Variants in VPS13C observed in about 807,000 individuals in gnomAD.
The protein encoded by VPS13C is vacuolar protein sorting 13 homolog C, also known as intermembrane lipid transfer protein VPS13C.
In VPS13C, 358 loss-of-function variants were observed where a neutral mutation model predicts 456.8. That is an observed-to-expected ratio of 0.78 (90% CI 0.72 to 0.86). VPS13C has a LOEUF of 0.86. Ranked by LOEUF, VPS13C falls within the 40% of genes least tolerant of loss-of-function variation. The pLI, the probability that VPS13C is intolerant of heterozygous loss-of-function variation, is 0.00. For synonymous variants in VPS13C, 1,578 were observed against 1,486.7 expected (o/e 1.06, Z -1.41); for missense variants, 4,818 against 4,385.4 (o/e 1.10, Z -2.79).
At chr15:62,007,947 A>T (rs908451719) in intron 14 of VPS13C, among the ~76,000 whole-genome samples, 7 of 152,102 alleles carry the variant, frequency 4.6e-5, no homozygotes, top group African/African-American at 1.7e-4. Flanking sequence ...TGTACTAAAA[A>T]TACAAAAATT....
At chr15:61,987,421 A>G (rs1367232374) in intron 18 of VPS13C, among the ~76,000 whole-genome samples, 1 of 152,198 alleles carries the variant, frequency 6.6e-6, no homozygotes, top group African/African-American at 2.4e-5. Flanking sequence ...AAGAGCAAAG[A>G]CACTTCTTAC....
In VPS13C at chr15:61,853,131, G is replaced by A. The variant is rs1358498605; in HGVS notation, c.*1326C>T. 1 of 152,038 alleles carries A rather than the reference G, an allele frequency of 6.6e-6. No homozygotes were observed. The highest frequency in any genetic ancestry group is 1.5e-5 in the Non-Finnish European group (1 of 67,990). The allele number at this position is 152,038 out of a possible 1,614,324, so 9.4% of individuals were successfully genotyped here. A position where few individuals can be genotyped will look rare whatever the true frequency, so the allele number is the denominator to read the frequency against. ...AAAGGACAAAAAAAAATACTGTCCT[G>A]AATTGATTCTCACAGGGCCTGCTCC... On this transcript the variant is annotated 3_prime_UTR_variant, in exon 85 of 85. Coordinates refer to ENST00000644861, the MANE Select transcript of VPS13C (RefSeq NM_020821.3).
At chr15:61,986,134 C>T (rs749141057) in intron 18 of VPS13C, among the ~76,000 whole-genome samples, 2 of 151,182 alleles carry the variant, frequency 1.3e-5, no homozygotes, top group Non-Finnish European at 2.9e-5. Context: ...CCGGTACACA[C>T]ACACACACAC....
chr15:61,925,602 A>C, intron 52 of VPS13C, 54 bp from the exon 53 acceptor site: 4 of 1,212,990 alleles, frequency 3.3e-6, no homozygotes, highest in Non-Finnish European at 4.5e-6. Flanking sequence ...TATACATAAC[A>C]CACACTTACA....
At chr15:61,875,684 C>A (rs774995788) in intron 76 of VPS13C, 48 bp downstream of exon 76, 3 of 1,305,342 alleles carry the variant, frequency 2.3e-6, no homozygotes, top group Admixed American at 2.0e-5. Context: ...AAAAAATAGA[C>A]CATCCATTTT....
chr15:61,911,263 T>C (rs1341331913), intron 63 of VPS13C, among the ~76,000 whole-genome samples: 3 of 152,178 alleles, frequency 2.0e-5, no homozygotes, highest in Non-Finnish European at 4.4e-5. Context: ...AACAGCTTAG[T>C]TCAAATCCCA....
chr15:62,053,281 C>A (rs1273066611), intron 1 of VPS13C, among the ~76,000 whole-genome samples: 1 of 152,132 alleles, frequency 6.6e-6, no homozygotes, highest in Non-Finnish European at 1.5e-5. Context: ...ATACTGACAT[C>A]TTTTATGTGT....
At chr15:61,917,227 T>C in intron 60 of VPS13C, 114 bp downstream of exon 60, 1 of 1,096,610 alleles carries the variant, frequency 9.1e-7, no homozygotes, top group East Asian at 2.6e-5. Flanking sequence ...ATGAAGGCAT[T>C]ACACATTACA....
At chr15:62,052,531 G>C (rs920805438) in intron 1 of VPS13C, among the ~76,000 whole-genome samples, 6 of 152,082 alleles carry the variant, frequency 3.9e-5, no homozygotes, top group African/African-American at 1.4e-4. Context: ...AAATTAGCCA[G>C]GCGTGGTGGC....
chr15:62,018,045 T>G (rs1214111268), intron 9 of VPS13C, among the ~76,000 whole-genome samples: 17 of 152,054 alleles, frequency 1.1e-4, no homozygotes, highest in African/African-American at 3.9e-4. Context: ...TCTCTTTGAA[T>G]CAATTGTGAA....
chr15:62,037,680 C>T (rs921241954), intron 3 of VPS13C, among the ~76,000 whole-genome samples: 3 of 139,730 alleles, frequency 2.1e-5, no homozygotes, highest in East Asian at 2.1e-4. Flanking sequence ...TAGTCTTGTA[C>T]GTAACATGTG....
intron 49 of VPS13C, 103 bp from the exon 50 acceptor site, chr15:61,931,362 A>C: frequency 3.5e-4 from 419 of 1,200,726 alleles, no homozygotes; most frequent in Non-Finnish European, 4.3e-4. Context: ...AACTGATCTC[A>C]TGAATTTTAA....
intron 27 of VPS13C, among the ~76,000 whole-genome samples, 176 bp downstream of exon 27, chr15:61,972,449 T>C (rs902376325): frequency 2.6e-5 from 4 of 152,108 alleles, no homozygotes; most frequent in African/African-American, 9.7e-5. Context: ...TAAAAATCTC[T>C]GTGTGTGTGA....
chr15:61,974,467 G>A lies in VPS13C; in HGVS notation c.2409-50C>T, dbSNP rs557486637. The A allele has an allele frequency of 8.8e-6, 14 of 1,584,638 alleles. No individual in the cohort carries two copies. The African/African-American group carries it at 1.8e-4, about 20-fold the overall frequency. On this transcript the variant is annotated intron_variant, in intron 24 of 84. Transcript: ENST00000644861. ...AAGTCAGCATCTCTACATTACAAAC[G>A]AGGGAAAGAATTGCATTAATGTAAT...
intron 35 of VPS13C, 106 bp downstream of exon 35, chr15:61,961,483 G>T: frequency 9.1e-7 from 1 of 1,098,006 alleles, no homozygotes; most frequent in Admixed American, 3.0e-5. Flanking sequence ...CCGTGTAATG[G>T]AACAGTTTAT....
Position 61,947,395 on chromosome 15 carries a change from T to C in VPS13C, c.4760-86A>G. On this transcript the variant is annotated intron_variant, in intron 42 of 84. Coordinates refer to ENST00000644861, the MANE Select transcript of VPS13C (RefSeq NM_020821.3). ...AACCTCAAATCCACCAAAATAAAAGTACCCAATGTACTCTGAGGAACCAAA... is the reference window on the plus strand; with the variant it reads ...AACCTCAAATCCACCAAAATAAAAGCACCCAATGTACTCTGAGGAACCAAA... 5 of 962,714 alleles carry C rather than the reference T, an allele frequency of 5.2e-6. No homozygotes were observed. In the South Asian group the frequency reaches 6.1e-5, roughly 12 times the overall value. The allele number at this position is 962,714 out of a possible 1,614,324, so 59.6% of individuals were successfully genotyped here.
chr15:61,938,765 T>C (rs1371489033), intron 47 of VPS13C, among the ~76,000 whole-genome samples: 7 of 152,176 alleles, frequency 4.6e-5, no homozygotes, highest in Non-Finnish European at 1.0e-4. Context: ...CCTTCAGATC[T>C]CGTTTCCCAT....
intron 3 of VPS13C, among the ~76,000 whole-genome samples, chr15:62,035,428 T>C (rs1025546240): frequency 3.9e-5 from 6 of 152,008 alleles, no homozygotes; most frequent in African/African-American, 1.4e-4. Flanking sequence ...ACCAGATTAT[T>C]AGTAAGGATG....
chr15:61,953,046 A>G (rs1268055882), intron 38 of VPS13C, among the ~76,000 whole-genome samples: 1 of 152,022 alleles, frequency 6.6e-6, no homozygotes, highest in Non-Finnish European at 1.5e-5. Context: ...TATTATTTTT[A>G]GCTCAGAGCA....
Sources: allele counts gnomAD v4.1 joint callset (sites outside exome capture counted in the v4.1 genomes callset), GRCh38; gene constraint gnomAD v4.1.1; transcripts MANE v1.5; gene names NCBI Gene and HGNC (gene_info 2026-07-23, HGNC 2026-07-21).